The following WWC2 variants were observed in gnomAD, a reference collection of about 807,000 sequenced individuals.
WWC2 encodes WW and C2 domain containing 2.
Under a neutral mutation model 138.5 loss-of-function variants are expected in WWC2, and 101 were observed. The ratio of observed to expected loss-of-function variants is 0.73; its 90% CI spans 0.62 to 0.86. The LOEUF (loss-of-function observed/expected upper bound fraction) is 0.86. WWC2 is among the 40% of genes least tolerant of loss of function. WWC2 has a pLI of 0.00. For synonymous variants in WWC2, 558 were observed against 538.4 expected, an observed-to-expected ratio of 1.04 and a Z score of -0.50; for missense variants, 1,420 against 1,419.4, an observed-to-expected ratio of 1.00 and a Z score of -0.01.
chr4:183,269,211 G>C (rs779519168), intron 15 of WWC2, 48 bp downstream of exon 15: 13 of 1,553,586 alleles, frequency 8.4e-6, no homozygotes, highest in Admixed American at 1.8e-5. Flanking sequence ...TAGATTGGGT[G>C]GTCTGAGGAT....
At chr4:183,292,235 C>T (rs990054911) in intron 21 of WWC2, among the ~76,000 whole-genome samples, 4 of 151,620 alleles carry the variant, frequency 2.6e-5, no homozygotes, top group Non-Finnish European at 4.4e-5. Flanking sequence ...ATAATAAATG[C>T]ATACACACAA....
intron 1 of WWC2, among the ~76,000 whole-genome samples, chr4:183,102,657 G>A (rs1186615465): frequency 6.6e-6 from 1 of 152,158 alleles, no homozygotes; most frequent in African/African-American, 2.4e-5. Context: ...TTTGCCCAGT[G>A]TTTATTTTTC....
At chr4:183,100,262 A>G (rs551794637) in intron 1 of WWC2, among the ~76,000 whole-genome samples, 17 of 152,366 alleles carry the variant, frequency 1.1e-4, no homozygotes, top group Admixed American at 1.1e-3. Flanking sequence ...CGACTCCCAG[A>G]TCGGGAACAG....
At chr4:183,223,577 T>G (rs1284240163) in intron 4 of WWC2, among the ~76,000 whole-genome samples, 1 of 152,232 alleles carries the variant, frequency 6.6e-6, no homozygotes, top group Non-Finnish European at 1.5e-5. Flanking sequence ...CTAGAATTCT[T>G]TATTGCTGTC....
chr4:183,164,043 G>A (rs1186608584), intron 1 of WWC2, among the ~76,000 whole-genome samples: 1 of 151,792 alleles, frequency 6.6e-6, no homozygotes, highest in Admixed American at 6.6e-5. Context: ...TAGAGTTTTT[G>A]AGGATAATGA....
intron 1 of WWC2, among the ~76,000 whole-genome samples, chr4:183,134,551 T>C (rs1733051819): frequency 6.6e-6 from 1 of 152,178 alleles, no homozygotes; most frequent in Non-Finnish European, 1.5e-5. Context: ...CAGACAACTG[T>C]TCTGTATATA....
intron 1 of WWC2, among the ~76,000 whole-genome samples, chr4:183,169,456 A>T (rs556061006): frequency 4.6e-5 from 7 of 151,176 alleles, no homozygotes; most frequent in African/African-American, 1.5e-4. Flanking sequence ...TTATTTTTTC[A>T]TAGAAGTGGA....
At chr4:183,150,032 T>C (rs746834967) in intron 1 of WWC2, among the ~76,000 whole-genome samples, 9 of 152,108 alleles carry the variant, frequency 5.9e-5, no homozygotes, top group East Asian at 1.9e-4. Context: ...CTCTTTGAGG[T>C]TGAGAAACTG....
intron 16 of WWC2, among the ~76,000 whole-genome samples, chr4:183,280,284 A>G (rs573554629): frequency 8.2e-6 from 1 of 121,926 alleles, no homozygotes; most frequent in South Asian, 2.5e-4. Context: ...TGCTCTGCAT[A>G]TAGGCAGCTT....
At chr4:183,226,525 C>A (rs1205257868) in intron 4 of WWC2, among the ~76,000 whole-genome samples, 1 of 151,928 alleles carries the variant, frequency 6.6e-6, no homozygotes, top group African/African-American at 2.4e-5. Context: ...CTAATAATAA[C>A]TAAGCTTTGC....
At chr4:183,105,528 G>A (rs1050476884) in intron 1 of WWC2, among the ~76,000 whole-genome samples, 1 of 152,192 alleles carries the variant, frequency 6.6e-6, no homozygotes, top group African/African-American at 2.4e-5. Flanking sequence ...TTATGATAGG[G>A]CTTGAGTCTG....
chr4:183,158,425 C>A (rs2111134294), intron 1 of WWC2, among the ~76,000 whole-genome samples: 1 of 151,816 alleles, frequency 6.6e-6, no homozygotes, highest in Non-Finnish European at 1.5e-5. Flanking sequence ...GACCTGTCTC[C>A]TGGGCTTGCA....
chr4:183,263,186 AC>A (rs1307048138), intron 11 of WWC2, among the ~76,000 whole-genome samples: 1 of 152,172 alleles, frequency 6.6e-6, no homozygotes, highest in African/African-American at 2.4e-5. Context: ...ACATCTTTTG[AC>A]CTTTCAAGGT....
At chr4:183,103,859 C>T (rs1204094693) in intron 1 of WWC2, among the ~76,000 whole-genome samples, 2 of 151,618 alleles carry the variant, frequency 1.3e-5, no homozygotes, top group African/African-American at 4.9e-5. Context: ...TGATCTCCAT[C>T]TCCTGACCTT....
chr4:183,135,387 T>C (rs1459638746), intron 1 of WWC2, among the ~76,000 whole-genome samples: 2 of 152,256 alleles, frequency 1.3e-5, no homozygotes, highest in Non-Finnish European at 2.9e-5. Flanking sequence ...TTGCTTTTTT[T>C]TTGGTGGCTA....
At chr4:183,164,306 ATATATTATATATAC>A (rs1734053723) in intron 1 of WWC2, among the ~76,000 whole-genome samples, 3 of 844 alleles carry the variant, frequency 3.6e-3, no homozygotes, top group African/African-American at 3.0e-3. Context: ...ATATACATAT[ATATATTATATATAC>A]ATATATATAT....
At chr4:183,263,972 C>G (rs1737415794) in intron 11 of WWC2, among the ~76,000 whole-genome samples, 2 of 152,186 alleles carry the variant, frequency 1.3e-5, no homozygotes, top group African/African-American at 4.8e-5. Context: ...GTTGGAATAA[C>G]TGCAAAGGCC....
chr4:183,155,133 AGG>A (rs398064352), intron 1 of WWC2, among the ~76,000 whole-genome samples: 2 of 282 alleles, frequency 7.1e-3, no homozygotes, highest in Non-Finnish European at 0.016. Context: ...AGAACTTGGT[AGG>A]GCTGTCATAC....
rs1309661222 is a variant in WWC2, at chr4:183,261,126, C to G, written c.1503C>G (p.Pro501=). ...AAAGCGGTTACATTCCTTCTGGACC[C>G]ATCACCACCATCCATGAAAACGAGG... is the stretch of plus-strand genomic sequence containing the variant. ...QEKSGYIPSG[P]ITTIHENEVV... The change falls in exon 11 of 23, where the codon CCC becomes CCG. Residue 501 remains proline (P), a synonymous_variant. Coordinates refer to ENST00000403733, the MANE Select transcript of WWC2 (RefSeq NM_024949.6). 5 of 1,613,852 alleles carry G rather than the reference C, an allele frequency of 3.1e-6. No homozygotes were observed. In the African/African-American group the frequency reaches 5.3e-5, roughly 17 times the overall value.
Sources: gnomAD v4.1 joint callset for allele counts (sites outside exome capture counted in the v4.1 genomes callset) on GRCh38, gnomAD v4.1.1 for gene constraint, MANE v1.5 for transcripts, NCBI Gene and HGNC (gene_info 2026-07-23, HGNC 2026-07-21) for gene names.